PRICKLE2: variants seen among roughly 807,000 people sequenced by gnomAD.
PRICKLE2 encodes prickle planar cell polarity protein 2, also known as prickle-like protein 2.
Under a neutral mutation model 81.4 loss-of-function variants are expected in PRICKLE2, and 21 were observed. The observed-to-expected ratio is 0.26, with a 90% CI of 0.18 to 0.37. The LOEUF (loss-of-function observed/expected upper bound fraction) is 0.37, where lower values mean the gene tolerates loss of function less well. PRICKLE2 is among the 10% of genes least tolerant of loss of function. The pLI, the probability that PRICKLE2 is intolerant of heterozygous loss-of-function variation, is 1.00. For synonymous variants in PRICKLE2, 456 were observed against 421.5 expected (o/e 1.08, Z -1.00); for missense variants, 940 against 1,109.0 (o/e 0.85, Z 2.16).
intron 7 of PRICKLE2, chr3:64,104,810 CCT>C (rs1187211831): frequency 2.6e-5 from 4 of 152,192 alleles, no homozygotes; most frequent in East Asian, 3.9e-4. Context: ...AGGAGAAATG[CCT>C]CTCTTCTGAT....
At chr3:64,250,064 T>C (rs1364972846) in intron 2 of PRICKLE2, among the ~76,000 whole-genome samples, 2 of 152,136 alleles carry the variant, frequency 1.3e-5, no homozygotes, top group Non-Finnish European at 2.9e-5. Flanking sequence ...CTTCCCTTTA[T>C]CACCAAAGCA....
intron 4 of PRICKLE2, among the ~76,000 whole-genome samples, chr3:64,158,120 A>T (rs2077668386): frequency 6.6e-6 from 1 of 152,228 alleles, no homozygotes; most frequent in Non-Finnish European, 1.5e-5. Context: ...GGAAGAATAA[A>T]ATGTGGAAAG....
intron 7 of PRICKLE2, among the ~76,000 whole-genome samples, chr3:64,122,016 T>C (rs1396323368): frequency 1.3e-5 from 2 of 152,216 alleles, no homozygotes; most frequent in Non-Finnish European, 2.9e-5. Context: ...ATCAGATCAG[T>C]GTGGATTATG....
At chr3:64,139,895 C>T (rs1020485368) in intron 7 of PRICKLE2, among the ~76,000 whole-genome samples, 4 of 152,164 alleles carry the variant, frequency 2.6e-5, no homozygotes, top group Non-Finnish European at 4.4e-5. Flanking sequence ...TTTGACTCAG[C>T]CACATCCCTC....
intron 2 of PRICKLE2, among the ~76,000 whole-genome samples, chr3:64,173,038 G>A (rs1362038796): frequency 6.6e-6 from 1 of 152,186 alleles, no homozygotes; most frequent in Non-Finnish European, 1.5e-5. Context: ...GTAAGGAACT[G>A]TTGAGTGCTT....
At position 64,114,749 on chromosome 3, in the gene PRICKLE2, T is replaced by C. The variant is rs143200805; in HGVS notation, c.1661-14824A>G. On this transcript the variant is annotated intron_variant, in intron 7 of 7. Transcript: ENST00000638394. ...GTAAAGGGACCAAATCTATGACTGATTGGTGTCCTTGAAAGAGATGGGGAG... is the reference window on the plus strand; with the variant it reads ...GTAAAGGGACCAAATCTATGACTGACTGGTGTCCTTGAAAGAGATGGGGAG... Among the ~76,000 whole-genome samples, 47 of 152,182 alleles carry C rather than the reference T, an allele frequency of 3.1e-4. 1 individual carries two copies. Among genetic ancestry groups the C allele is most frequent in the African/African-American group, 1.1e-3 (46 of 41,556 alleles).
At chr3:64,135,073 C>T (rs948599870) in intron 7 of PRICKLE2, among the ~76,000 whole-genome samples, 1 of 152,150 alleles carries the variant, frequency 6.6e-6, no homozygotes. Flanking sequence ...AGAAACAAAT[C>T]CCTGCAGGTG....
intron 4 of PRICKLE2, among the ~76,000 whole-genome samples, chr3:64,159,445 G>T (rs1462143636): frequency 6.6e-6 from 1 of 152,156 alleles, no homozygotes; most frequent in African/African-American, 2.4e-5. Flanking sequence ...GGCTCACCCA[G>T]AACTCTGACT....
upstream of PRICKLE2, among the ~76,000 whole-genome samples, chr3:64,227,329 G>T (rs1217824479): frequency 1.3e-5 from 2 of 152,104 alleles, no homozygotes. Context: ...ACAGTTTGGG[G>T]CCCCCAGTAG....
At position 64,246,468 on chromosome 3, in the gene PRICKLE2, CT is replaced by C. The variant is rs529128685; in HGVS notation, c.129-47502del. On this transcript the variant is annotated intron_variant, in intron 2 of 8. Transcript: ENST00000295902. ...ATAAGAATAAAATTCTCTTTTCTTTCTTTTTGATCTTCGTATTTCTCTATTT... is the reference window on the plus strand; with the variant it reads ...ATAAGAATAAAATTCTCTTTTCTTTCTTTTGATCTTCGTATTTCTCTATTT... 7.9e-5 allele frequency among the ~76,000 whole-genome samples: 12 copies of C among 152,274 alleles called. No homozygotes were observed. In the East Asian group the frequency reaches 2.3e-3, roughly 29 times the overall value.
intron 7 of PRICKLE2, among the ~76,000 whole-genome samples, chr3:64,120,440 G>A (rs1166882596): frequency 6.6e-6 from 1 of 152,126 alleles, no homozygotes; most frequent in Non-Finnish European, 1.5e-5. Flanking sequence ...GAAAAAAGAT[G>A]AGCACCTTGC....
At chr3:64,176,216 T>C (rs572489164) in intron 2 of PRICKLE2, among the ~76,000 whole-genome samples, 1 of 152,324 alleles carries the variant, frequency 6.6e-6, no homozygotes, top group South Asian at 2.1e-4. Context: ...GGCATACTGC[T>C]GCCCAGAATA....
chr3:64,099,485 G>A lies in PRICKLE2; in HGVS notation c.2101C>T (p.Leu701=). The A allele has an allele frequency of 1.3e-6, 2 of 1,590,476 alleles. No individual in the cohort carries two copies. Among genetic ancestry groups the A allele is most frequent in the East Asian group, 2.3e-5 (1 of 44,392 alleles). ...GAGATGGCCTCGCGTTCGCTGGCCAGGTGGAGGGCGTTGTCGGAGCGAGAG... is the reference window on the plus strand; with the variant it reads ...GAGATGGCCTCGCGTTCGCTGGCCAAGTGGAGGGCGTTGTCGGAGCGAGAG... ...RRSRSDNALH[L]ASEREAISRL... Residue 701 remains leucine (L), a synonymous_variant, in exon 8 of 8, where the codon CTG becomes TTG. Transcript: ENST00000638394. The surrounding 1 kb of genome is among the most constrained non-coding windows in gnomAD (Gnocchi z 4.3).
In PRICKLE2 at chr3:64,099,975, TG is replaced by T. The variant is rs2076630152; in HGVS notation, c.1661-51del. On this transcript the variant is annotated intron_variant, in intron 7 of 7. Coordinates refer to ENST00000638394, the MANE Select transcript of PRICKLE2 (RefSeq NM_198859.4). The surrounding 1 kb of genome is among the most constrained non-coding windows in gnomAD (Gnocchi z 4.3). ...AGAGATTAATACAGATGTGCAGCAATGGGTATCACTGTCACTGCTGGTCATC... is the reference window on the plus strand; with the variant it reads ...AGAGATTAATACAGATGTGCAGCAATGGTATCACTGTCACTGCTGGTCATC... The T allele has an allele frequency of 1.3e-6, 2 of 1,578,878 alleles. No individual in the cohort carries two copies. The highest frequency in any genetic ancestry group is 2.2e-5 in the East Asian group (1 of 44,658).
At chr3:64,252,570 T>A (rs2079463735) in intron 2 of PRICKLE2, among the ~76,000 whole-genome samples, 1 of 152,200 alleles carries the variant, frequency 6.6e-6, no homozygotes, top group Non-Finnish European at 1.5e-5. Flanking sequence ...AATAGCACTT[T>A]TGCCACAGTT....
At chr3:64,191,074 T>G (rs2078324287) in intron 2 of PRICKLE2, among the ~76,000 whole-genome samples, 1 of 152,128 alleles carries the variant, frequency 6.6e-6, no homozygotes, top group African/African-American at 2.4e-5. Flanking sequence ...AACTTGTATC[T>G]TTATAACAAT....
chr3:64,135,421 G>A (rs1411444478), intron 7 of PRICKLE2, among the ~76,000 whole-genome samples: 2 of 152,124 alleles, frequency 1.3e-5, no homozygotes, highest in South Asian at 2.1e-4. Context: ...GAAAGAATGG[G>A]AGAAATACAC....
chr3:64,261,813 A>G (rs558930999), intron 2 of PRICKLE2, among the ~76,000 whole-genome samples: 1 of 152,224 alleles, frequency 6.6e-6, no homozygotes, highest in East Asian at 1.9e-4. Context: ...GGAGAGTCTC[A>G]CAGGTCACGG....
upstream of PRICKLE2, among the ~76,000 whole-genome samples, chr3:64,230,411 A>G (rs1351260278): frequency 6.6e-6 from 1 of 152,202 alleles, no homozygotes; most frequent in Admixed American, 6.5e-5. Context: ...CCTCAGAACA[A>G]AGAAAAAGAA....
Sources: allele counts gnomAD v4.1 joint callset (sites outside exome capture counted in the v4.1 genomes callset), GRCh38; gene constraint gnomAD v4.1.1; non-coding constraint Gnocchi (gnomAD v3.1); transcripts MANE v1.5; gene names NCBI Gene and HGNC (gene_info 2026-07-23, HGNC 2026-07-21).